Variants in CDH8 observed in about 807,000 individuals in gnomAD.
CDH8 encodes cadherin-8.
A neutral mutation model predicts 68.1 loss-of-function variants in CDH8; 17 were observed. That is an observed-to-expected ratio of 0.25 (90% confidence interval 0.17 to 0.37). CDH8 has a LOEUF of 0.37. Ranked by LOEUF, CDH8 falls within the 10% of genes least tolerant of loss-of-function variation. The pLI is 1.00. For missense variants in CDH8, 763 were observed against 999.3 expected, an observed-to-expected ratio of 0.76 and a Z score of 3.19; for synonymous variants, 372 against 365.1, an observed-to-expected ratio of 1.02 and a Z score of -0.21.
chr16:61,836,781 T>C (rs1962578476), intron 4 of CDH8, among the ~76,000 whole-genome samples: 2 of 151,982 alleles, frequency 1.3e-5, no homozygotes, highest in South Asian at 4.1e-4. Context: ...ACCACTGTCA[T>C]GCTTCTCCTG....
At position 62,021,191 on chromosome 16, in the gene CDH8, C is replaced by T. The variant is rs1314617305; in HGVS notation, c.213G>A (p.Leu71=). 1 of 1,614,004 alleles carries T rather than the reference C, an allele frequency of 6.2e-7. No homozygotes were observed. The highest frequency in any genetic ancestry group is 8.5e-7 in the Non-Finnish European group (1 of 1,179,940). The change falls in exon 2 of 12, where the codon CTG becomes CTA. Residue 71 remains leucine (L), a synonymous_variant. Coordinates refer to ENST00000577390, the MANE Select transcript of CDH8 (RefSeq NM_001796.5). ...RGWVWNQMFV[L]EEFSGPEPIL... The stretch of plus-strand genomic sequence containing the variant: ...TCGGTTCAGGTCCAGAAAACTCTTC[C>T]AGGACAAACATTTGATTCCAAACCC...
At chr16:61,950,191 T>C (rs1348015486) in intron 2 of CDH8, among the ~76,000 whole-genome samples, 1 of 152,178 alleles carries the variant, frequency 6.6e-6, no homozygotes, top group Non-Finnish European at 1.5e-5. Context: ...TGGTAAGTGA[T>C]ACAGGTTGTA....
chr16:61,675,194 G>A (rs1307061546), intron 10 of CDH8, among the ~76,000 whole-genome samples: 1 of 151,918 alleles, frequency 6.6e-6, no homozygotes, highest in African/African-American at 2.4e-5. Context: ...TAAATATGTG[G>A]TTCCCAAATG....
chr16:61,917,062 A>AGT (rs57232370), intron 2 of CDH8, among the ~76,000 whole-genome samples: 8,460 of 137,272 alleles, frequency 0.062, 253 homozygotes, highest in South Asian at 0.083. Flanking sequence ...TTTACCTATT[A>AGT]GTGTGTGTGT....
chr16:61,687,183 A>G (rs1051032433), intron 10 of CDH8, among the ~76,000 whole-genome samples: 4 of 151,912 alleles, frequency 2.6e-5, no homozygotes, highest in Non-Finnish European at 4.4e-5. Flanking sequence ...CTGTAATACC[A>G]CAATAAAAAG....
intron 9 of CDH8, among the ~76,000 whole-genome samples, chr16:61,716,463 C>A (rs1964732426): frequency 6.6e-6 from 1 of 151,660 alleles, no homozygotes; most frequent in Admixed American, 6.6e-5. Flanking sequence ...ATTTATTGAG[C>A]CACTGGAACT....
At chr16:61,783,100 G>A (rs372105377) in intron 8 of CDH8, among the ~76,000 whole-genome samples, 79 of 146,918 alleles carry the variant, frequency 5.4e-4, no homozygotes, top group African/African-American at 1.0e-3. Flanking sequence ...TGACTTTGAC[G>A]AGCTGAGAGA....
intron 4 of CDH8, among the ~76,000 whole-genome samples, chr16:61,840,689 A>C (rs1286402688): frequency 1.3e-5 from 2 of 152,168 alleles, no homozygotes; most frequent in East Asian, 3.9e-4. Context: ...CAAACACTGC[A>C]TGTTCTCACT....
intron 2 of CDH8, chr16:61,918,575 G>C (rs1374470484): frequency 6.5e-6 from 1 of 153,226 alleles, no homozygotes; most frequent in Non-Finnish European, 1.5e-5. Context: ...GGAAAATCGG[G>C]TTACTCCCAC....
chr16:61,691,844 CATTTCCTGGCCACTGTGATCAACTT>C (rs1314006423), intron 10 of CDH8: 1 of 152,068 alleles, frequency 6.6e-6, no homozygotes, highest in East Asian at 1.9e-4. Flanking sequence ...ATTCCATCAA[CATTTCCTGGCCACTGTGATCAACTT>C]ATTAGACATT....
Position 61,832,229 on chromosome 16 carries a change from G to A in CDH8, c.668-7050C>T, listed in dbSNP as rs1962470337. ...AGATAAACACATTAGAAAATAATTC[G>A]GCCTCCATAAGGCTCAAAGAAAACA... On this transcript the variant is annotated intron_variant, in intron 4 of 11. Transcript: ENST00000577390. 5.3e-5 allele frequency among the ~76,000 whole-genome samples: 8 copies of A among 151,442 alleles called. No homozygotes were observed. In the South Asian group the frequency reaches 1.2e-3, roughly 24 times the overall value.
intron 2 of CDH8, among the ~76,000 whole-genome samples, chr16:61,993,209 A>G (rs777463379): frequency 1.3e-5 from 2 of 152,194 alleles, no homozygotes; most frequent in Admixed American, 6.5e-5. Context: ...CCTCCTTTTC[A>G]TATAATCTGT....
intron 8 of CDH8, among the ~76,000 whole-genome samples, chr16:61,778,167 T>C (rs1960949150): frequency 6.6e-6 from 1 of 152,066 alleles, no homozygotes; most frequent in Admixed American, 6.6e-5. Flanking sequence ...ATGGGTGTTA[T>C]CTAACTCAAT....
chr16:61,915,759 C>T (rs1262978576), intron 2 of CDH8, among the ~76,000 whole-genome samples: 2 of 152,158 alleles, frequency 1.3e-5, no homozygotes, highest in Non-Finnish European at 2.9e-5. Context: ...CAGGGTCTGA[C>T]GTCACCATAC....
intron 1 of CDH8, among the ~76,000 whole-genome samples, chr16:62,030,938 A>T (rs1295989159): frequency 6.6e-6 from 1 of 152,138 alleles, no homozygotes; most frequent in African/African-American, 2.4e-5. Context: ...CATGAGGGTA[A>T]GGTGAACTGT....
intron 9 of CDH8, chr16:61,714,251 C>T (rs1596891680): frequency 3.1e-6 from 1 of 317,580 alleles, no homozygotes; most frequent in South Asian, 3.8e-5. Context: ...TGGGCAATTA[C>T]AGGTTTCTTT....
At chr16:62,016,539 T>G (rs1345422446) in intron 2 of CDH8, among the ~76,000 whole-genome samples, 2 of 152,188 alleles carry the variant, frequency 1.3e-5, no homozygotes, top group Non-Finnish European at 2.9e-5. Flanking sequence ...CACCACAGGT[T>G]TTCTCTTTCC....
At position 61,651,191 on chromosome 16, in the gene CDH8, T is replaced by A. The variant is rs1403712838; in HGVS notation, c.*2417A>T. Reference sequence around the variant, plus strand: ...TAAAACATAATAATCTCTCCTTGGTTTGGAAGGTGTAAGATAGTTGGAATA... The same window carrying A: ...TAAAACATAATAATCTCTCCTTGGTATGGAAGGTGTAAGATAGTTGGAATA... On this transcript the variant is annotated 3_prime_UTR_variant, in exon 12 of 12. Transcript: ENST00000577390. 1 of 152,080 alleles carries A rather than the reference T, an allele frequency of 6.6e-6. No homozygotes were observed. The highest frequency in any genetic ancestry group is 6.6e-5 in the Admixed American group (1 of 15,248). 9.4% of individuals were successfully genotyped at this position (152,080 alleles called of 1,614,324 possible).
intron 10 of CDH8, among the ~76,000 whole-genome samples, chr16:61,677,944 T>C (rs550207162): frequency 2.6e-5 from 4 of 152,170 alleles, no homozygotes; most frequent in South Asian, 2.1e-4. Context: ...TTAAGTCTGA[T>C]AAGAAACCTT....
Sources: allele counts gnomAD v4.1 joint callset (sites outside exome capture counted in the v4.1 genomes callset), GRCh38; gene constraint gnomAD v4.1.1; transcripts MANE v1.5; gene names NCBI Gene and HGNC (gene_info 2026-07-23, HGNC 2026-07-21).